Variants in SUPT3H observed in about 807,000 individuals in gnomAD.
SUPT3H encodes the protein SPT3 homolog, SAGA and STAGA complex component, also known as transcription initiation protein SPT3 homolog.
In SUPT3H, 44 loss-of-function variants were observed where a neutral mutation model predicts 44.3. That is an observed-to-expected ratio of 0.99 (90% CI 0.78 to 1.28). SUPT3H has a LOEUF of 1.28. Among genes scored for constraint, SUPT3H ranks in the 50% most tolerant of loss-of-function variants. The pLI is 0.00. For synonymous variants in SUPT3H, 124 were observed against 125.6 expected (o/e 0.99, Z 0.09); for missense variants, 380 against 387.1 (o/e 0.98, Z 0.15).
chr6:45,062,718 G>A (rs74690327), intron 3 of SUPT3H, among the ~76,000 whole-genome samples: 149 of 152,210 alleles, frequency 9.8e-4, no homozygotes, highest in Non-Finnish European at 1.6e-3. Flanking sequence ...CTGGAAAATC[G>A]GGTCACTCCC....
chr6:44,990,233 GA>G (rs1780424208), intron 6 of SUPT3H, among the ~76,000 whole-genome samples: 3 of 152,006 alleles, frequency 2.0e-5, no homozygotes, highest in Middle Eastern at 6.8e-3. Flanking sequence ...ATTTATTGAA[GA>G]GACTATCCTT....
chr6:45,026,969 T>G (rs1186346982), intron 3 of SUPT3H, among the ~76,000 whole-genome samples: 1 of 148,728 alleles, frequency 6.7e-6, no homozygotes, highest in Non-Finnish European at 1.5e-5. Context: ...TCCCTTCTAC[T>G]CTTCTGCTTT....
chr6:45,067,644 T>G (rs1157211675), intron 3 of SUPT3H, among the ~76,000 whole-genome samples: 3 of 148,316 alleles, frequency 2.0e-5, no homozygotes, highest in Non-Finnish European at 4.5e-5. Context: ...CATCAAAAAG[T>G]GGGCGAAGGA....
intron 3 of SUPT3H, among the ~76,000 whole-genome samples, chr6:45,084,146 C>T (rs548450887): frequency 6.6e-6 from 1 of 152,046 alleles, no homozygotes; most frequent in Non-Finnish European, 1.5e-5. Flanking sequence ...ACAAGTGAGA[C>T]CTAATTAAAT....
chr6:45,211,569 G>C (rs1003356015), intron 2 of SUPT3H, among the ~76,000 whole-genome samples: 3 of 151,976 alleles, frequency 2.0e-5, no homozygotes, highest in African/African-American at 7.3e-5. Flanking sequence ...GAGAATTCTG[G>C]GCCAGGCGTG....
chr6:45,097,157 T>G (rs905220695), intron 3 of SUPT3H, among the ~76,000 whole-genome samples: 10 of 152,176 alleles, frequency 6.6e-5, no homozygotes, highest in African/African-American at 2.2e-4. Flanking sequence ...AAAAAGGAAC[T>G]GTTCTGGTTG....
chr6:45,285,390 C>T (rs1200311661), intron 2 of SUPT3H, among the ~76,000 whole-genome samples: 1 of 152,190 alleles, frequency 6.6e-6, no homozygotes, highest in Non-Finnish European at 1.5e-5. Flanking sequence ...TCAACTGCAG[C>T]AAAGTCTCAG....
At chr6:44,885,787 A>G (rs933621368) in intron 10 of SUPT3H, among the ~76,000 whole-genome samples, 4 of 152,212 alleles carry the variant, frequency 2.6e-5, no homozygotes, top group Non-Finnish European at 4.4e-5. Flanking sequence ...ACGAGTTGAG[A>G]GAAGAAGGCT....
chr6:45,108,119 C>A (rs1799527318), intron 2 of SUPT3H, among the ~76,000 whole-genome samples: 1 of 152,162 alleles, frequency 6.6e-6, no homozygotes, highest in African/African-American at 2.4e-5. Flanking sequence ...AACACAATGT[C>A]CAATTTTGTC....
intron 2 of SUPT3H, among the ~76,000 whole-genome samples, chr6:45,161,228 ATTTC>A (rs1808907632): frequency 2.0e-5 from 3 of 152,210 alleles, no homozygotes; most frequent in African/African-American, 7.2e-5. Flanking sequence ...AGTCTCAGGT[ATTTC>A]TTTATAGCAA....
intron 2 of SUPT3H, among the ~76,000 whole-genome samples, chr6:45,183,084 A>C (rs892548401): frequency 4.6e-5 from 7 of 152,248 alleles, no homozygotes; most frequent in South Asian, 4.1e-4. Context: ...TAAGTGTCAA[A>C]AGGTGAATGG....
At chr6:45,314,938 G>A (rs1784472794) in intron 2 of SUPT3H, among the ~76,000 whole-genome samples, 1 of 152,014 alleles carries the variant, frequency 6.6e-6, no homozygotes, top group African/African-American at 2.4e-5. Context: ...ATAAAAATAA[G>A]CATATAGACC....
At chr6:44,988,521 A>T (rs1176109112) in intron 6 of SUPT3H, among the ~76,000 whole-genome samples, 34 of 54,372 alleles carry the variant, frequency 6.3e-4, no homozygotes, top group African/African-American at 1.9e-3. Flanking sequence ...GGCTTAAATA[A>T]AAAAAAAAAA....
intron 10 of SUPT3H, among the ~76,000 whole-genome samples, chr6:44,902,721 A>G (rs902131602): frequency 1.3e-5 from 2 of 152,222 alleles, no homozygotes; most frequent in Non-Finnish European, 2.9e-5. Context: ...AATCAACAGA[A>G]TATACATTCT....
At chr6:45,277,268 G>C (rs1777175298) in intron 2 of SUPT3H, among the ~76,000 whole-genome samples, 2 of 151,984 alleles carry the variant, frequency 1.3e-5, no homozygotes, top group African/African-American at 4.8e-5. Context: ...CTATTTTTAT[G>C]TTACTGCATA....
intron 3 of SUPT3H, among the ~76,000 whole-genome samples, chr6:45,046,846 T>C (rs566941558): frequency 5.9e-5 from 9 of 152,322 alleles, no homozygotes; most frequent in Middle Eastern, 6.8e-3. Context: ...ATATTGAGCT[T>C]TCTAATTCCT....
chr6:44,885,735 C>A (rs1026367949), intron 10 of SUPT3H, among the ~76,000 whole-genome samples: 17 of 152,178 alleles, frequency 1.1e-4, no homozygotes, highest in African/African-American at 3.9e-4. Flanking sequence ...GAACACAGTT[C>A]CTCACCAGCA....
At chr6:45,092,500 C>T (rs1797255405) in intron 3 of SUPT3H, among the ~76,000 whole-genome samples, 1 of 152,042 alleles carries the variant, frequency 6.6e-6, no homozygotes, top group Non-Finnish European at 1.5e-5. Flanking sequence ...CCTGTAATCC[C>T]AGCATTTGGG....
chr6:44,970,236 T>C (rs1186152040), intron 6 of SUPT3H, among the ~76,000 whole-genome samples: 1 of 152,150 alleles, frequency 6.6e-6, no homozygotes, highest in Non-Finnish European at 1.5e-5. Context: ...TAATGCCCAT[T>C]AAAAATTTTT....
Sources: allele counts gnomAD v4.1 joint callset (sites outside exome capture counted in the v4.1 genomes callset), GRCh38; gene constraint gnomAD v4.1.1; transcripts MANE v1.5; gene names NCBI Gene and HGNC (gene_info 2026-07-23, HGNC 2026-07-21).